DLGAP2: variants seen among roughly 807,000 people sequenced by gnomAD.
DLGAP2 encodes the protein disks large-associated protein 2.
A neutral mutation model predicts 100.3 loss-of-function variants in DLGAP2; 26 were observed. That is an observed-to-expected ratio of 0.26 (90% confidence interval 0.19 to 0.36). The LOEUF (loss-of-function observed/expected upper bound fraction) is 0.36. Among genes scored for constraint, DLGAP2 ranks in the 10% least tolerant of loss-of-function variants. The probability of loss-of-function intolerance (pLI) is 1.00; values close to 1 mark genes in which losing one functional copy is unlikely to be tolerated. For missense variants in DLGAP2, 1,858 were observed against 1,453.2 expected (o/e 1.28, Z -4.53); for synonymous variants, 886 against 630.1 (o/e 1.41, Z -6.08).
chr8:1,630,314 G>T (rs1797610282), intron 7 of DLGAP2, among the ~76,000 whole-genome samples: 1 of 152,164 alleles, frequency 6.6e-6, no homozygotes, highest in South Asian at 2.1e-4. Flanking sequence ...GAAGGAAGGG[G>T]ACAGTGCCCA....
chr8:1,589,332 C>A (rs942465496), intron 6 of DLGAP2, among the ~76,000 whole-genome samples: 2 of 152,196 alleles, frequency 1.3e-5, no homozygotes, highest in Non-Finnish European at 2.9e-5. Flanking sequence ...AATTTGTCAT[C>A]AACAGCTTTA....
At position 1,422,934 on chromosome 8, in the gene DLGAP2, C is replaced by T. The variant is rs1040322110; in HGVS notation, c.107-78432C>T. On this transcript the variant is annotated intron_variant, in intron 3 of 14. Transcript: ENST00000637795. ...TTCCTCACTTCACCCTAGGCCAACT[C>T]TGTCCAGGGGGCCCCTTAGCCTGGG... 3.9e-5 allele frequency among the ~76,000 whole-genome samples: 6 copies of T among 152,276 alleles called. No individual in the cohort carries two copies. The East Asian group carries it at 7.8e-4, about 20-fold the overall frequency.
chr8:1,000,573 A>G (rs955317271), intron 2 of DLGAP2, among the ~76,000 whole-genome samples: 2 of 151,998 alleles, frequency 1.3e-5, no homozygotes, highest in Non-Finnish European at 2.9e-5. Context: ...ACTGGTGTCT[A>G]GATTTGGTTT....
rs116009121 is a variant in DLGAP2, at chr8:863,742, G to A, written c.19-44170G>A. ...AAAGACAGCAGATGCCAGTGCGGAT[G>A]TGGAGGGAGGGGAACTCTTACACGC... On this transcript the variant is annotated intron_variant, in intron 1 of 14. Transcript: ENST00000637795. Among the ~76,000 whole-genome samples the A allele has an allele frequency of 4.4e-3, 672 of 152,342 alleles. 4 individuals carry two copies. Among genetic ancestry groups the A allele is most frequent in the African/African-American group, 0.015 (623 of 41,580 alleles).
intron 2 of DLGAP2, among the ~76,000 whole-genome samples, chr8:1,076,352 AC>A (rs774481950): frequency 6.6e-6 from 1 of 152,220 alleles, no homozygotes; most frequent in Non-Finnish European, 1.5e-5. Context: ...CCAGCTCACT[AC>A]GTGGCAGTGA....
chr8:1,300,929 C>T (rs771772676), intron 3 of DLGAP2: 12 of 152,258 alleles, frequency 7.9e-5, no homozygotes, highest in South Asian at 2.1e-4. Context: ...CTGCATGAAC[C>T]GAGCTCAGCG....
chr8:927,270 A>G (rs993357865), intron 2 of DLGAP2: 5 of 978,224 alleles, frequency 5.1e-6, no homozygotes, highest in Non-Finnish European at 6.1e-6. Flanking sequence ...TGATGAGCCT[A>G]TGGGGATTTT....
intron 1 of DLGAP2, among the ~76,000 whole-genome samples, chr8:887,149 T>A (rs959187703): frequency 1.3e-5 from 2 of 152,184 alleles, no homozygotes; most frequent in African/African-American, 4.8e-5. Flanking sequence ...TTTTGATCTT[T>A]GTTGGCTTAA....
At chr8:1,413,719 G>C (rs1447716110) in intron 3 of DLGAP2, among the ~76,000 whole-genome samples, 1 of 152,222 alleles carries the variant, frequency 6.6e-6, no homozygotes, top group South Asian at 2.1e-4. Flanking sequence ...GCACCACCCA[G>C]TCTCCCAGTA....
intron 2 of DLGAP2, among the ~76,000 whole-genome samples, chr8:1,061,020 G>A (rs1377613417): frequency 1.3e-5 from 2 of 152,162 alleles, no homozygotes; most frequent in African/African-American, 4.8e-5. Context: ...CTCTATGTTG[G>A]GCAACCATGG....
At chr8:1,331,060 G>C (rs1314904194) in intron 3 of DLGAP2, among the ~76,000 whole-genome samples, 2 of 152,186 alleles carry the variant, frequency 1.3e-5, no homozygotes, top group African/African-American at 4.8e-5. Flanking sequence ...AGACTGCAAT[G>C]CCAGGGAGGA....
At chr8:1,671,287 A>T (rs993100263) in intron 10 of DLGAP2, among the ~76,000 whole-genome samples, 1 of 152,212 alleles carries the variant, frequency 6.6e-6, no homozygotes, top group Non-Finnish European at 1.5e-5. Flanking sequence ...GGCAGGTGTC[A>T]CGCTGTTCTG....
At position 1,701,356 on chromosome 8, in the gene DLGAP2, C is replaced by G; in HGVS notation, c.3118C>G (p.Arg1040Gly). The G allele has an allele frequency of 6.3e-7, 1 of 1,593,450 alleles. No homozygotes were observed. Among genetic ancestry groups the G allele is most frequent in the Non-Finnish European group, 8.5e-7 (1 of 1,170,990 alleles). The change falls in exon 15 of 15, where the codon CGC (arginine) becomes GGC (glycine). Residue 1040 changes from arginine (R) to glycine (G), a missense_variant. Physicochemically the swap from Arg to Gly is moderately radical, Grantham distance 125. Transcript: ENST00000637795. ...ASFRQNSASERADSIEIYIPE... is the reference protein window; with the variant it reads ...ASFRQNSASEGADSIEIYIPE... ...CTTCCGGCAGAATTCCGCCTCCGAG[C>G]GCGCGGACAGCATCGAGATCTACAT...
chr8:890,349 C>T (rs868574083), intron 1 of DLGAP2, among the ~76,000 whole-genome samples: 1 of 152,158 alleles, frequency 6.6e-6, no homozygotes. Flanking sequence ...GTTGCAGGCG[C>T]CTGGATGAGT....
chr8:938,789 CG>C (rs1444224153), intron 2 of DLGAP2, among the ~76,000 whole-genome samples: 1 of 152,042 alleles, frequency 6.6e-6, no homozygotes, highest in Admixed American at 6.5e-5. Context: ...ACAGGGGCCA[CG>C]GGAGCCAGAG....
At chr8:1,250,605 G>C (rs2116879565) in intron 2 of DLGAP2, 1 of 152,256 alleles carries the variant, frequency 6.6e-6, no homozygotes, top group Admixed American at 6.5e-5. Flanking sequence ...AATAGCTTCA[G>C]GCAAAGAGAA....
intron 2 of DLGAP2, among the ~76,000 whole-genome samples, chr8:1,062,438 C>G (rs549901071): frequency 1.4e-5 from 2 of 146,812 alleles, no homozygotes; most frequent in Admixed American, 6.7e-5. Flanking sequence ...CAGACGCCTC[C>G]TGCGCTCGGC....
chr8:1,352,373 G>A, intron 3 of DLGAP2, among the ~76,000 whole-genome samples: 1 of 152,014 alleles, frequency 6.6e-6, no homozygotes, highest in Non-Finnish European at 1.5e-5. Context: ...CTCCCCCTGG[G>A]GCTTCCTCAT....
At chr8:1,364,610 C>T (rs1011213041) in intron 3 of DLGAP2, among the ~76,000 whole-genome samples, 9 of 152,220 alleles carry the variant, frequency 5.9e-5, no homozygotes, top group Non-Finnish European at 1.2e-4. Flanking sequence ...GGCGTGCCGC[C>T]TCTTCAGTGG....
Sources: gnomAD v4.1 joint callset for allele counts (sites outside exome capture counted in the v4.1 genomes callset) on GRCh38, gnomAD v4.1.1 for gene constraint, MANE v1.5 for transcripts, NCBI Gene and HGNC (gene_info 2026-07-23, HGNC 2026-07-21) for gene names.